EFR3A: variants seen among roughly 807,000 people sequenced by gnomAD.
EFR3A encodes EFR3 homolog A.
A neutral mutation model predicts 104.4 loss-of-function variants in EFR3A; 76 were observed. The ratio of observed to expected loss-of-function variants is 0.73; its 90% CI spans 0.60 to 0.88. The LOEUF (loss-of-function observed/expected upper bound fraction) is 0.88, where lower values mean the gene tolerates loss of function less well. Among genes scored for constraint, EFR3A ranks in the 40% least tolerant of loss-of-function variants. EFR3A has a pLI of 0.00. For synonymous variants in EFR3A, 330 were observed against 330.0 expected, an observed-to-expected ratio of 1.00 and a Z score of 0.00; for missense variants, 985 against 1,012.5, an observed-to-expected ratio of 0.97 and a Z score of 0.37.
At chr8:131,914,553 A>G (rs1308527794) in intron 1 of EFR3A, among the ~76,000 whole-genome samples, 1 of 152,106 alleles carries the variant, frequency 6.6e-6, no homozygotes, top group African/African-American at 2.4e-5. Context: ...ACAGAGTATA[A>G]TAAGGACTGT....
rs983824218 is a variant in EFR3A, at chr8:131,971,416, C to T, written c.1159+773C>T. ...TGTTTCCTTGTGATTAGGCCGTGCG[C>T]GGTGGCTCACACCTGTAATCCCAGC... On this transcript the variant is annotated intron_variant, in intron 10 of 22. Transcript: ENST00000254624. Among the ~76,000 whole-genome samples, 10 of 152,086 alleles carry T rather than the reference C, an allele frequency of 6.6e-5. No homozygotes were observed. In the East Asian group the frequency reaches 7.7e-4, roughly 12 times the overall value.
At chr8:131,984,834 T>A in intron 15 of EFR3A, 95 bp from the exon 16 acceptor site, 1 of 1,200,292 alleles carries the variant, frequency 8.3e-7, no homozygotes, top group Non-Finnish European at 1.1e-6. Flanking sequence ...TTTTGTTAGC[T>A]TTCCAAACTA....
intron 7 of EFR3A, among the ~76,000 whole-genome samples, chr8:131,956,816 T>G (rs1819022251): frequency 6.6e-6 from 1 of 152,148 alleles, no homozygotes; most frequent in Admixed American, 6.6e-5. Flanking sequence ...GATCTATTGT[T>G]TAAAGGCTCC....
intron 22 of EFR3A, among the ~76,000 whole-genome samples, chr8:132,003,494 T>C (rs1261487948): frequency 6.6e-6 from 1 of 152,222 alleles, no homozygotes; most frequent in African/African-American, 2.4e-5. Flanking sequence ...TGACTAGTTG[T>C]CCTCTAGCTT....
intron 16 of EFR3A, among the ~76,000 whole-genome samples, chr8:131,985,583 G>A (rs766335887): frequency 2.6e-5 from 4 of 152,160 alleles, no homozygotes; most frequent in Non-Finnish European, 4.4e-5. Flanking sequence ...CACTTTTAAA[G>A]ACATCTGTAA....
Position 132,011,618 on chromosome 8 carries a change from A to G in EFR3A, c.*723A>G, listed in dbSNP as rs1012541396. On this transcript the variant is annotated 3_prime_UTR_variant, in exon 23 of 23. Transcript: ENST00000254624. Reference sequence around the variant, plus strand: ...TACTCTTGGAGTACCAAACTGTGCAATATTTTTACATCATAAGATGTATTA... The same window carrying G: ...TACTCTTGGAGTACCAAACTGTGCAGTATTTTTACATCATAAGATGTATTA... 1.7e-5 allele frequency: 3 copies of G among 171,768 alleles called. No individual in the cohort carries two copies. The highest frequency in any genetic ancestry group is 7.2e-5 in the African/African-American group (3 of 41,802). 10.6% of individuals were successfully genotyped at this position (171,768 alleles called of 1,614,324 possible).
At chr8:131,955,689 T>C in intron 6 of EFR3A, 79 bp from the exon 7 acceptor site, 3 of 1,470,290 alleles carry the variant, frequency 2.0e-6, no homozygotes, top group Non-Finnish European at 1.8e-6. Context: ...TTAACATTTC[T>C]AAAAAGTAAA....
intron 1 of EFR3A, among the ~76,000 whole-genome samples, chr8:131,931,895 A>G (rs1190163670): frequency 5.9e-5 from 9 of 151,946 alleles, no homozygotes. Flanking sequence ...ACCTTTAGAC[A>G]TGTTCCAATA....
At chr8:131,939,474 C>T (rs1048277655) in intron 1 of EFR3A, among the ~76,000 whole-genome samples, 1 of 152,126 alleles carries the variant, frequency 6.6e-6, no homozygotes, top group African/African-American at 2.4e-5. Context: ...AAACTAAAAG[C>T]AGTGTATAGT....
intron 7 of EFR3A, among the ~76,000 whole-genome samples, chr8:131,958,734 CTCAT>C (rs1023802024): frequency 2.7e-4 from 41 of 152,162 alleles, no homozygotes; most frequent in African/African-American, 8.7e-4. Context: ...ACTTGAAAAA[CTCAT>C]TCAACCTCTC....
At position 131,975,410 on chromosome 8, in the gene EFR3A, C is replaced by CTTT. The variant is rs760100564; in HGVS notation, c.1160-616_1160-615insTTT. ...AATATTTTTCCTTCTTTTTTTTTTCCTATTTTTTTTTTTTTTTTTTTTGGA... is the reference window on the plus strand; with the variant it reads ...AATATTTTTCCTTCTTTTTTTTTTCCTTTTATTTTTTTTTTTTTTTTTTTTGGA... On this transcript the variant is annotated intron_variant, in intron 10 of 22. Coordinates refer to ENST00000254624, the MANE Select transcript of EFR3A (RefSeq NM_015137.6). Among the ~76,000 whole-genome samples, 34 of 102,192 alleles carry CTTT rather than the reference C, an allele frequency of 3.3e-4. 2 individuals are homozygous for CTTT. Among genetic ancestry groups the CTTT allele is most frequent in the East Asian group, 2.0e-3 (6 of 3,070 alleles). 67.0% of individuals were successfully genotyped at this position (102,192 alleles called of 152,430 possible).
intron 1 of EFR3A, among the ~76,000 whole-genome samples, chr8:131,936,058 A>G (rs909141733): frequency 6.6e-6 from 1 of 152,032 alleles, no homozygotes; most frequent in South Asian, 2.1e-4. Context: ...GAGTTTCTCT[A>G]TGCAGCTGCT....
chr8:131,921,795 G>A (rs1817041843), intron 1 of EFR3A, among the ~76,000 whole-genome samples: 1 of 151,874 alleles, frequency 6.6e-6, no homozygotes, highest in Non-Finnish European at 1.5e-5. Flanking sequence ...ATCAAGGGAG[G>A]AGTTAAATTC....
At chr8:131,987,782 A>C (rs1411324026) in intron 18 of EFR3A, 80 bp downstream of exon 18, 14 of 1,442,236 alleles carry the variant, frequency 9.7e-6, no homozygotes, top group African/African-American at 1.4e-5. Context: ...GTTAACAATG[A>C]AAATTAATTC....
chr8:132,005,138 A>G (rs1821967934), intron 22 of EFR3A, among the ~76,000 whole-genome samples: 1 of 152,304 alleles, frequency 6.6e-6, no homozygotes, highest in Admixed American at 6.5e-5. Context: ...CTCATTTTAC[A>G]TGTTTGTAAA....
Position 131,937,999 on chromosome 8 carries a change from T to C in EFR3A, c.11-2500T>C, listed in dbSNP as rs543134190. ...TATTAAGCTAGCAATATAAGTACTT[T>C]AATAGTATCTTATTTAAGCTAGTTG... On this transcript the variant is annotated intron_variant, in intron 1 of 22. Transcript: ENST00000254624. Among the ~76,000 whole-genome samples the C allele has an allele frequency of 2.0e-5, 3 of 152,200 alleles. No individual in the cohort carries two copies. The South Asian group carries it at 6.2e-4, about 32-fold the overall frequency.
intron 22 of EFR3A, among the ~76,000 whole-genome samples, chr8:132,009,638 T>G (rs1215052577): frequency 6.6e-6 from 1 of 152,062 alleles, no homozygotes; most frequent in African/African-American, 2.4e-5. Flanking sequence ...TTTGGACAAC[T>G]GCTGAACACT....
At chr8:131,926,963 T>C (rs1817330330) in intron 1 of EFR3A, among the ~76,000 whole-genome samples, 1 of 152,174 alleles carries the variant, frequency 6.6e-6, no homozygotes, top group East Asian at 1.9e-4. Context: ...GCATTTTTCT[T>C]TCACGGAGGG....
At chr8:132,008,173 A>G (rs890503821) in intron 22 of EFR3A, among the ~76,000 whole-genome samples, 1 of 152,108 alleles carries the variant, frequency 6.6e-6, no homozygotes, top group Non-Finnish European at 1.5e-5. Flanking sequence ...AAAATACAGT[A>G]TACACAATAC....
Sources: gnomAD v4.1 joint callset for allele counts (sites outside exome capture counted in the v4.1 genomes callset) on GRCh38, gnomAD v4.1.1 for gene constraint, MANE v1.5 for transcripts, NCBI Gene and HGNC (gene_info 2026-07-23, HGNC 2026-07-21) for gene names.